Variants in SMAD9 observed in about 807,000 individuals in gnomAD.
SMAD9 encodes SMAD family member 9.
A neutral mutation model predicts 46.1 loss-of-function variants in SMAD9; 36 were observed. That is an observed-to-expected ratio of 0.78 (90% confidence interval 0.60 to 1.03). The LOEUF (loss-of-function observed/expected upper bound fraction) is 1.03, where lower values mean the gene tolerates loss of function less well. Ranked by LOEUF, SMAD9 falls within the 50% of genes least tolerant of loss-of-function variation. SMAD9 has a pLI of 0.00. For missense variants in SMAD9, 572 were observed against 599.8 expected (o/e 0.95, Z 0.48); for synonymous variants, 245 against 237.1 (o/e 1.03, Z -0.31).
intron 5 of SMAD9, among the ~76,000 whole-genome samples, chr13:36,857,083 C>T (rs1334747709): frequency 1.3e-5 from 2 of 151,770 alleles, no homozygotes; most frequent in Non-Finnish European, 2.9e-5. Flanking sequence ...AGATTACAGG[C>T]ATGAGCCACC....
chr13:36,865,493 A>G (rs1481699847), intron 5 of SMAD9, 44 bp downstream of exon 5: 1 of 1,512,494 alleles, frequency 6.6e-7, no homozygotes. Flanking sequence ...ATGACCATCT[A>G]CATTTCGGCT....
chr13:36,893,038 G>A (rs2058500487), intron 1 of SMAD9, among the ~76,000 whole-genome samples: 1 of 152,108 alleles, frequency 6.6e-6, no homozygotes, highest in South Asian at 2.1e-4. Context: ...ATAAGAATGT[G>A]AATAATAAGA....
chr13:36,904,355 T>C (rs367821742), intron 1 of SMAD9, among the ~76,000 whole-genome samples: 1 of 152,216 alleles, frequency 6.6e-6, no homozygotes, highest in East Asian at 1.9e-4. Flanking sequence ...GTATAAACTG[T>C]CACTAAAATT....
intron 5 of SMAD9, among the ~76,000 whole-genome samples, chr13:36,862,732 C>A (rs1411258839): frequency 3.3e-5 from 5 of 152,216 alleles, no homozygotes; most frequent in Non-Finnish European, 4.4e-5. Flanking sequence ...ACCCCAAATT[C>A]TTTCTTGTGT....
At chr13:36,857,322 G>A (rs1435404787) in intron 5 of SMAD9, among the ~76,000 whole-genome samples, 1 of 152,152 alleles carries the variant, frequency 6.6e-6, no homozygotes, top group Non-Finnish European at 1.5e-5. Flanking sequence ...CTAACTCCTA[G>A]CAATAAGGAA....
intron 1 of SMAD9, among the ~76,000 whole-genome samples, chr13:36,918,829 T>TGTA (rs1299644043): frequency 6.6e-6 from 1 of 152,220 alleles, no homozygotes; most frequent in Non-Finnish European, 1.5e-5. Context: ...GAGACATGCT[T>TGTA]GTAGTAGTCA....
intron 5 of SMAD9, among the ~76,000 whole-genome samples, chr13:36,855,268 A>C (rs566763091): frequency 1.6e-4 from 24 of 151,602 alleles, no homozygotes; most frequent in African/African-American, 5.8e-4. Context: ...AAAAAAAAAA[A>C]AAAAAAAGAA....
chr13:36,853,464 C>G lies in SMAD9; in HGVS notation c.1215G>C (p.Val405=), dbSNP rs767950374. Residue 405 remains valine (V), a synonymous_variant, in exon 6 of 7, where the codon GTG becomes GTC. Coordinates refer to ENST00000379826, the MANE Select transcript of SMAD9 (RefSeq NM_001127217.3). ...TAGTACACATCTTGGTCAGTTCATA[C>G]ACGACTTCAAAGCCGTGGTGAACTG... The part of the protein sequence containing the change: ...AQSVHHGFEV[V]YELTKMCTIR... 6.2e-7 allele frequency: 1 copy of G among 1,613,968 alleles called. No homozygotes were observed. Among genetic ancestry groups the G allele is most frequent in the South Asian group, 1.1e-5 (1 of 91,090 alleles).
chr13:36,882,718 TG>T (rs919416152), intron 1 of SMAD9, among the ~76,000 whole-genome samples: 4 of 152,218 alleles, frequency 2.6e-5, no homozygotes, highest in Non-Finnish European at 5.9e-5. Context: ...TTAATTAGGC[TG>T]ACTGGTGGGT....
chr13:36,906,990 T>G (rs950244614), intron 1 of SMAD9, among the ~76,000 whole-genome samples: 19 of 151,304 alleles, frequency 1.3e-4, no homozygotes, highest in Non-Finnish European at 8.8e-5. Context: ...AACCTAAACA[T>G]CCATCAACAA....
At chr13:36,853,951 G>A (rs1310326656) in intron 5 of SMAD9, among the ~76,000 whole-genome samples, 1 of 152,126 alleles carries the variant, frequency 6.6e-6, no homozygotes, top group Non-Finnish European at 1.5e-5. Context: ...TTGAGGTCGG[G>A]AGTTCAAGAC....
chr13:36,892,168 C>T lies in SMAD9; in HGVS notation c.-186-12293G>A, dbSNP rs763145961. ...CTGACTTGAAAACTTAAACTGGAGCCACTCAGGTCAGACAGATTAAGGAAA... is the reference window on the plus strand; with the variant it reads ...CTGACTTGAAAACTTAAACTGGAGCTACTCAGGTCAGACAGATTAAGGAAA... On this transcript the variant is annotated intron_variant, in intron 1 of 6. Coordinates refer to ENST00000379826, the MANE Select transcript of SMAD9 (RefSeq NM_001127217.3). Among the ~76,000 whole-genome samples, 24 of 152,142 alleles carry T rather than the reference C, an allele frequency of 1.6e-4. 1 individual carries two copies. The highest frequency in any genetic ancestry group is 3.5e-4 in the Non-Finnish European group (24 of 68,016).
chr13:36,872,565 A>C, intron 3 of SMAD9, 93 bp downstream of exon 3: 1 of 1,397,350 alleles, frequency 7.2e-7, no homozygotes, highest in Non-Finnish European at 1.0e-6. Flanking sequence ...TATGAATGAC[A>C]GTTACAATGA....
At chr13:36,916,495 A>T (rs1400317667) in intron 1 of SMAD9, among the ~76,000 whole-genome samples, 1 of 152,190 alleles carries the variant, frequency 6.6e-6, no homozygotes, top group Non-Finnish European at 1.5e-5. Flanking sequence ...TGAAAGATGG[A>T]CTTTATCCTA....
rs7996830 is a variant in SMAD9 at position 36,866,015 on chromosome 13, T to C, written c.782-257A>G. 0.035 allele frequency among the ~76,000 whole-genome samples: 5,345 copies of C among 152,174 alleles called. 335 individuals are homozygous for C. The highest frequency in any genetic ancestry group is 0.12 in the African/African-American group (5,053 of 41,492). ...TGGCTAGAGCATTTATAAATGTGTA[T>C]TGGTCATGAAGGGGCCAGGGAAAAC... On this transcript the variant is annotated intron_variant, in intron 4 of 6. Transcript: ENST00000379826.
At chr13:36,880,271 C>G (rs1390277267) in intron 1 of SMAD9, among the ~76,000 whole-genome samples, 1 of 152,120 alleles carries the variant, frequency 6.6e-6, no homozygotes, top group Non-Finnish European at 1.5e-5. Flanking sequence ...TTCTCTCTTT[C>G]AATTCGAATT....
chr13:36,917,920 T>A (rs534119665), intron 1 of SMAD9, among the ~76,000 whole-genome samples: 3 of 152,234 alleles, frequency 2.0e-5, no homozygotes, highest in East Asian at 1.9e-4. Flanking sequence ...CATATTGACA[T>A]TGAATATTTT....
intron 1 of SMAD9, among the ~76,000 whole-genome samples, chr13:36,889,898 G>A (rs924034942): frequency 6.6e-6 from 1 of 151,954 alleles, no homozygotes; most frequent in East Asian, 1.9e-4. Context: ...ACATCAAAAG[G>A]TGTCCTTACT....
At chr13:36,880,794 AT>A (rs2058396271) in intron 1 of SMAD9, among the ~76,000 whole-genome samples, 1 of 152,220 alleles carries the variant, frequency 6.6e-6, no homozygotes, top group South Asian at 2.1e-4. Context: ...TAAAACAATA[AT>A]ACTCTTCTCA....
Sources: gnomAD v4.1 joint callset for allele counts (sites outside exome capture counted in the v4.1 genomes callset) on GRCh38, gnomAD v4.1.1 for gene constraint, MANE v1.5 for transcripts, NCBI Gene and HGNC (gene_info 2026-07-23, HGNC 2026-07-21) for gene names.